The following MARCHF1 variants were observed in gnomAD, a reference collection of about 807,000 sequenced individuals.
MARCHF1 encodes membrane associated ring-CH-type finger 1, also known as E3 ubiquitin-protein ligase MARCHF1.
MARCHF1 carries 40 observed loss-of-function variants against 54.2 expected under a neutral mutation model. The ratio of observed to expected loss-of-function variants is 0.74; its 90% confidence interval spans 0.57 to 0.96. MARCHF1 has a LOEUF of 0.96. Among genes scored for constraint, MARCHF1 ranks in the 40% least tolerant of loss-of-function variants. The probability of loss-of-function intolerance (pLI) is 0.00; values close to 1 mark genes in which losing one functional copy is unlikely to be tolerated. For synonymous variants in MARCHF1, 236 were observed against 236.3 expected, an observed-to-expected ratio of 1.00 and a Z score of 0.01; for missense variants, 586 against 656.5, an observed-to-expected ratio of 0.89 and a Z score of 1.17.
At chr4:164,372,946 C>A (rs1003121065) in intron 1 of MARCHF1, among the ~76,000 whole-genome samples, 2 of 152,158 alleles carry the variant, frequency 1.3e-5, no homozygotes, top group East Asian at 1.9e-4. Flanking sequence ...GCAAATAAAT[C>A]TTCGCATTTC....
intron 1 of MARCHF1, among the ~76,000 whole-genome samples, chr4:164,380,225 A>C (rs1372924300): frequency 6.6e-6 from 1 of 152,226 alleles, no homozygotes; most frequent in African/African-American, 2.4e-5. Context: ...ATAAAATAGA[A>C]TTCACACATT....
At chr4:164,345,968 T>C (rs1189577478) in intron 1 of MARCHF1, among the ~76,000 whole-genome samples, 2 of 152,274 alleles carry the variant, frequency 1.3e-5, no homozygotes, top group East Asian at 1.9e-4. Context: ...TTATTAGTAA[T>C]TGAATAAATA....
chr4:163,967,622 A>G lies in MARCHF1; in HGVS notation c.-39+20879T>C, dbSNP rs78264030. Among the ~76,000 whole-genome samples, 6 of 152,266 alleles carry G rather than the reference A, an allele frequency of 3.9e-5. No homozygotes were observed. The East Asian group carries it at 1.2e-3, about 29-fold the overall frequency. On this transcript the variant is annotated intron_variant, in intron 3 of 9. Coordinates refer to ENST00000514618, the MANE Select transcript of MARCHF1 (RefSeq NM_001394959.1). ...TTCGTAGACAGTTGATGGCTGTCTT[A>G]GTCAGGGCTCTCCAGAGCAACAGAA... is the stretch of plus-strand genomic sequence containing the variant.
intron 5 of MARCHF1, among the ~76,000 whole-genome samples, chr4:163,618,217 T>C (rs1741575955): frequency 6.6e-6 from 1 of 152,192 alleles, no homozygotes; most frequent in South Asian, 2.1e-4. Flanking sequence ...TCGGCCCTCT[T>C]CTGAGTTCAC....
chr4:163,998,155 AC>A (rs1753115784), intron 2 of MARCHF1, among the ~76,000 whole-genome samples: 1 of 151,402 alleles, frequency 6.6e-6, no homozygotes, highest in African/African-American at 2.4e-5. Context: ...ATTTAAAAGT[AC>A]CATTACAACT....
intron 1 of MARCHF1, among the ~76,000 whole-genome samples, chr4:164,317,396 C>A (rs1735027650): frequency 6.6e-6 from 1 of 152,154 alleles, no homozygotes; most frequent in Non-Finnish European, 1.5e-5. Flanking sequence ...GTACCAGATT[C>A]AGGTTCTGTG....
At chr4:164,242,774 A>G (rs1732813815) in intron 1 of MARCHF1, among the ~76,000 whole-genome samples, 1 of 152,208 alleles carries the variant, frequency 6.6e-6, no homozygotes, top group African/African-American at 2.4e-5. Flanking sequence ...AATACAGACA[A>G]GTGCTTAAAG....
At chr4:163,867,120 C>A (rs941834651) in intron 3 of MARCHF1, among the ~76,000 whole-genome samples, 2 of 151,848 alleles carry the variant, frequency 1.3e-5, no homozygotes, top group Non-Finnish European at 2.9e-5. Flanking sequence ...CTTTCTGGCA[C>A]GGCTAGACTT....
At chr4:164,339,885 T>A (rs1729863364) in intron 1 of MARCHF1, among the ~76,000 whole-genome samples, 1 of 152,082 alleles carries the variant, frequency 6.6e-6, no homozygotes, top group Non-Finnish European at 1.5e-5. Flanking sequence ...GATGTAACAT[T>A]ACAACTGGTA....
intron 1 of MARCHF1, among the ~76,000 whole-genome samples, chr4:164,200,887 T>TCCCG (rs1329873781): frequency 6.6e-6 from 1 of 152,002 alleles, no homozygotes; most frequent in South Asian, 2.1e-4. Flanking sequence ...TGAGCTAAGA[T>TCCCG]CTAGTAAGGA....
intron 1 of MARCHF1, among the ~76,000 whole-genome samples, chr4:164,194,965 G>A (rs1731214676): frequency 6.7e-6 from 1 of 149,012 alleles, no homozygotes; most frequent in South Asian, 2.2e-4. Flanking sequence ...CCCTCCCCTA[G>A]ACCCCCACCC....
chr4:163,722,425 CT>C (rs1745503873), intron 4 of MARCHF1, among the ~76,000 whole-genome samples: 1 of 152,072 alleles, frequency 6.6e-6, no homozygotes, highest in South Asian at 2.1e-4. Context: ...TCTTTTACAT[CT>C]GCTGAGGAGT....
At chr4:163,681,792 T>A (rs1744113418) in intron 5 of MARCHF1, among the ~76,000 whole-genome samples, 1 of 152,138 alleles carries the variant, frequency 6.6e-6, no homozygotes, top group Admixed American at 6.5e-5. Flanking sequence ...TTCATAGCAG[T>A]GTGAGAACAG....
chr4:163,778,805 C>A (rs776756129), intron 4 of MARCHF1, among the ~76,000 whole-genome samples: 2 of 151,748 alleles, frequency 1.3e-5, no homozygotes, highest in Non-Finnish European at 2.9e-5. Flanking sequence ...AATGTGTACA[C>A]GTGGATGATG....
At chr4:163,878,481 G>A (rs76899554) in intron 3 of MARCHF1, among the ~76,000 whole-genome samples, 1,996 of 152,286 alleles carry the variant, frequency 0.013, 45 homozygotes, top group African/African-American at 0.046. Flanking sequence ...TGCCAGAAAG[G>A]CTTTTCTAAC....
intron 1 of MARCHF1, among the ~76,000 whole-genome samples, chr4:164,262,904 T>TC (rs1201371680): frequency 3.9e-5 from 6 of 152,158 alleles, no homozygotes; most frequent in African/African-American, 1.4e-4. Flanking sequence ...ATTATGTCCC[T>TC]CATCCATAGA....
intron 8 of MARCHF1, among the ~76,000 whole-genome samples, chr4:163,561,172 T>C (rs563248073): frequency 3.9e-5 from 6 of 152,298 alleles, no homozygotes; most frequent in South Asian, 2.1e-4. Flanking sequence ...GATGGCTACA[T>C]ACATGATATC....
At chr4:163,887,639 C>T (rs146785776) in intron 3 of MARCHF1, among the ~76,000 whole-genome samples, 2 of 152,248 alleles carry the variant, frequency 1.3e-5, no homozygotes, top group Non-Finnish European at 2.9e-5. Flanking sequence ...GAAGAGAGTG[C>T]TACAAGAGGC....
chr4:163,826,947 C>T (rs1748868194), intron 4 of MARCHF1, among the ~76,000 whole-genome samples: 1 of 151,912 alleles, frequency 6.6e-6, no homozygotes, highest in South Asian at 2.1e-4. Context: ...TCCACAATTT[C>T]CACAAAGAAA....
Sources: gnomAD v4.1 joint callset for allele counts (sites outside exome capture counted in the v4.1 genomes callset) on GRCh38, gnomAD v4.1.1 for gene constraint, MANE v1.5 for transcripts, NCBI Gene and HGNC (gene_info 2026-07-23, HGNC 2026-07-21) for gene names.